The following QSER1 variants were observed in gnomAD, a reference collection of about 807,000 sequenced individuals.
The protein encoded by QSER1 is glutamine and serine rich 1.
Under a neutral mutation model 158.5 loss-of-function variants are expected in QSER1, and 49 were observed. The observed-to-expected ratio is 0.31, with a 90% confidence interval of 0.25 to 0.39. QSER1 has a LOEUF of 0.39. Among genes scored for constraint, QSER1 ranks in the 10% least tolerant of loss-of-function variants. QSER1 has a pLI of 1.00. For missense variants in QSER1, 1,754 were observed against 2,010.3 expected, an observed-to-expected ratio of 0.87 and a Z score of 2.44; for synonymous variants, 650 against 715.5, an observed-to-expected ratio of 0.91 and a Z score of 1.46.
chr11:32,975,144 A>G (rs1852950023), intron 11 of QSER1, 104 bp from the exon 12 acceptor site: 1 of 703,674 alleles, frequency 1.4e-6, no homozygotes, highest in Non-Finnish European at 2.3e-6. Context: ...CATATATGTC[A>G]TTTTCAACAT....
chr11:32,952,429 T>A (rs1025250948), intron 4 of QSER1, among the ~76,000 whole-genome samples: 2 of 152,210 alleles, frequency 1.3e-5, no homozygotes, highest in African/African-American at 2.4e-5. Context: ...TTTTCAGGTG[T>A]TAAATTAACT....
At chr11:32,927,441 T>C (rs1851987218) in intron 2 of QSER1, among the ~76,000 whole-genome samples, 172 bp downstream of exon 2, 1 of 152,238 alleles carries the variant, frequency 6.6e-6, no homozygotes, top group South Asian at 2.1e-4. Flanking sequence ...GGAGTCTCGC[T>C]CTGTCGGCCA....
intron 4 of QSER1, among the ~76,000 whole-genome samples, chr11:32,948,295 C>T (rs1045396269): frequency 6.6e-6 from 1 of 152,128 alleles, no homozygotes; most frequent in Non-Finnish European, 1.5e-5. Flanking sequence ...AAGAAAATAT[C>T]GAAATTAATT....
Position 32,932,701 on chromosome 11 carries a change from G to A in QSER1, c.1443G>A (p.Val481=). The change falls in exon 4 of 13, where the codon GTG becomes GTA. Residue 481 remains valine (V), a synonymous_variant. Transcript: ENST00000650167. ...QNYGLVQPHN[V]PSIVHSQVYR... ...ACGGTTTAGTACAGCCACATAATGT[G>A]CCATCTATTGTTCATTCACAGGTTT... The A allele has an allele frequency of 6.2e-7, 1 of 1,614,092 alleles. No individual in the cohort carries two copies. The highest frequency in any genetic ancestry group is 1.1e-5 in the South Asian group (1 of 91,082).
At chr11:32,931,706 A>G (rs766908684) in intron 3 of QSER1, 37 bp from the exon 4 acceptor site, 15 of 1,464,904 alleles carry the variant, frequency 1.0e-5, no homozygotes, top group Non-Finnish European at 3.7e-6. Flanking sequence ...TAATTGTGCC[A>G]TAATTACATA....
chr11:32,964,937 G>C (rs991379134), intron 8 of QSER1, among the ~76,000 whole-genome samples: 5 of 151,198 alleles, frequency 3.3e-5, no homozygotes, highest in Non-Finnish European at 7.4e-5. Context: ...TATTGACCAG[G>C]CTGGTCTTGA....
chr11:32,940,212 AAAG>A (rs1441522662), intron 4 of QSER1, among the ~76,000 whole-genome samples: 1 of 152,134 alleles, frequency 6.6e-6, no homozygotes, highest in Non-Finnish European at 1.5e-5. Flanking sequence ...TGGAAACAAA[AAAG>A]AGAAAAAAGA....
intron 4 of QSER1, among the ~76,000 whole-genome samples, chr11:32,938,712 T>A (rs1334012727): frequency 6.6e-6 from 1 of 152,216 alleles, no homozygotes; most frequent in Non-Finnish European, 1.5e-5. Context: ...ATTATTCAGA[T>A]GCCTAAAGGG....
At chr11:32,945,605 C>T (rs1159764061) in intron 4 of QSER1, among the ~76,000 whole-genome samples, 10 of 151,994 alleles carry the variant, frequency 6.6e-5, no homozygotes, top group East Asian at 3.9e-4. Flanking sequence ...CCGAGAGATC[C>T]GCTGTTAGTC....
chr11:32,906,930 A>C (rs746647088), intron 1 of QSER1, among the ~76,000 whole-genome samples: 48 of 152,204 alleles, frequency 3.2e-4, no homozygotes, highest in Non-Finnish European at 1.3e-4. Context: ...GAGAACTCTG[A>C]AAGATAAAGA....
rs1478045124 is a variant in QSER1, at chr11:32,977,629, C to G, written c.*1155C>G. On this transcript the variant is annotated 3_prime_UTR_variant, in exon 13 of 13. Transcript: ENST00000650167. ...GCTCTCCTTTTGGTGCCTTTCCAGC[C>G]TTTATACACACTATTGTAGCTTTCT... 1 of 152,558 alleles carries G rather than the reference C, an allele frequency of 6.6e-6. No individual in the cohort carries two copies. The highest frequency in any genetic ancestry group is 1.5e-5 in the Non-Finnish European group (1 of 68,026). 9.5% of individuals were successfully genotyped at this position (152,558 alleles called of 1,614,324 possible).
At chr11:32,962,819 C>T (rs1369105497) in intron 8 of QSER1, among the ~76,000 whole-genome samples, 1 of 152,160 alleles carries the variant, frequency 6.6e-6, no homozygotes, top group Non-Finnish European at 1.5e-5. Context: ...CAACAAATAC[C>T]ATCAGTTGTT....
intron 10 of QSER1, among the ~76,000 whole-genome samples, chr11:32,971,357 ATGT>A (rs1852852925): frequency 6.6e-6 from 1 of 152,074 alleles, no homozygotes; most frequent in African/African-American, 2.4e-5. Flanking sequence ...GATCTTGGTG[ATGT>A]TAGGAGTCCT....
At chr11:32,971,956 G>T (rs1355553382) in intron 10 of QSER1, among the ~76,000 whole-genome samples, 1 of 151,674 alleles carries the variant, frequency 6.6e-6, no homozygotes, top group African/African-American at 2.4e-5. Context: ...CCAGCTACTC[G>T]GGAGGCTGAG....
chr11:32,931,822 T>G lies in QSER1; in HGVS notation c.564T>G (p.Ser188=). 1 of 1,614,196 alleles carries G rather than the reference T, an allele frequency of 6.2e-7. No individual in the cohort carries two copies. The highest frequency in any genetic ancestry group is 8.5e-7 in the Non-Finnish European group (1 of 1,180,018). Residue 188 remains serine, a synonymous_variant, in exon 4 of 13, where the codon TCT becomes TCG. Transcript: ENST00000650167. ...PSTGTLPPSL[S]AYQHPTTFSN... ...CTGGAACACTTCCACCATCTCTCTCTGCTTATCAGCATCCCACCACCTTCA... is the reference window on the plus strand; with the variant it reads ...CTGGAACACTTCCACCATCTCTCTCGGCTTATCAGCATCCCACCACCTTCA...
chr11:32,912,888 G>A (rs891087215), intron 1 of QSER1, among the ~76,000 whole-genome samples: 2 of 152,092 alleles, frequency 1.3e-5, no homozygotes. Context: ...ACTCCAGCCT[G>A]GGCAACAGAG....
In QSER1 at chr11:32,935,256, T is replaced by G; in HGVS notation, c.3998T>G (p.Val1333Gly). 1 of 1,613,964 alleles carries G rather than the reference T, an allele frequency of 6.2e-7. No individual in the cohort carries two copies. Among genetic ancestry groups the G allele is most frequent in the Non-Finnish European group, 8.5e-7 (1 of 1,179,942 alleles). Residue 1333 changes from valine (V) to glycine (G), a missense_variant, in exon 4 of 13, where the codon GTG (valine) becomes GGG (glycine). By Grantham distance (109) the Val-to-Gly change is moderately radical (BLOSUM62 -3). Around this residue, in one of 2 missense-constraint regions of QSER1, gnomAD observed 1,707 missense variants for 1,919.6 expected, o/e 0.89. Coordinates refer to ENST00000650167, the MANE Select transcript of QSER1 (RefSeq NM_001076786.3). Reference sequence around the variant, plus strand: ...TCATCTACAACACCCACACCTTTAGTGTCTGAAACTGGCGGTAACAGTCCA... The same window carrying G: ...TCATCTACAACACCCACACCTTTAGGGTCTGAAACTGGCGGTAACAGTCCA... The part of the protein sequence containing the change: ...KPSSTTPTPL[V>G]SETGGNSPSD...
chr11:32,907,088 A>G (rs138915458), intron 1 of QSER1, among the ~76,000 whole-genome samples: 1 of 152,358 alleles, frequency 6.6e-6, no homozygotes, highest in East Asian at 1.9e-4. Flanking sequence ...ACAACAGGAT[A>G]AAATACTACT....
intron 1 of QSER1, among the ~76,000 whole-genome samples, chr11:32,901,480 C>T (rs944933680): frequency 6.6e-6 from 1 of 152,084 alleles, no homozygotes; most frequent in East Asian, 1.9e-4. Flanking sequence ...TGAATTATTG[C>T]TAATGTTGCA....
Sources: gnomAD v4.1 joint callset for allele counts (sites outside exome capture counted in the v4.1 genomes callset) on GRCh38, gnomAD v4.1.1 for gene constraint, gnomAD v4.1.1 regional missense constraint, MANE v1.5 for transcripts, NCBI Gene and HGNC (gene_info 2026-07-23, HGNC 2026-07-21) for gene names.